The following UNC13C variants were observed in gnomAD, a reference collection of about 807,000 sequenced individuals.
The protein encoded by UNC13C is unc-13 homolog C, also known as protein unc-13 homolog C.
In UNC13C, 174 loss-of-function variants were observed where a neutral mutation model predicts 245.4. The observed-to-expected ratio is 0.71, with a 90% confidence interval of 0.63 to 0.80. The LOEUF (loss-of-function observed/expected upper bound fraction) is 0.80. Ranked by LOEUF, UNC13C falls within the 30% of genes least tolerant of loss-of-function variation. The probability of loss-of-function intolerance (pLI) is 0.00; values close to 1 mark genes in which losing one functional copy is unlikely to be tolerated. For missense variants in UNC13C, 2,829 were observed against 2,602.9 expected, an observed-to-expected ratio of 1.09 and a Z score of -1.89; for synonymous variants, 992 against 895.1, an observed-to-expected ratio of 1.11 and a Z score of -1.93.
At chr15:54,219,905 C>A (rs986041217) in intron 4 of UNC13C, among the ~76,000 whole-genome samples, 4 of 151,812 alleles carry the variant, frequency 2.6e-5, no homozygotes, top group Admixed American at 6.6e-5. Flanking sequence ...GATACCAACT[C>A]ACACCAGTTA....
At chr15:54,300,480 A>G (rs1410731795) in intron 13 of UNC13C, 107 bp downstream of exon 13, 5 of 1,138,520 alleles carry the variant, frequency 4.4e-6, no homozygotes, top group Non-Finnish European at 6.1e-6. Flanking sequence ...TAAAAAGAGG[A>G]TTATATTTCA....
chr15:54,322,707 C>A (rs530305958), intron 14 of UNC13C, among the ~76,000 whole-genome samples: 10 of 152,102 alleles, frequency 6.6e-5, no homozygotes, highest in African/African-American at 2.4e-4. Context: ...CAGTGTAACT[C>A]TTTCTCTGCA....
At chr15:54,301,212 G>A (rs553244320) in intron 13 of UNC13C, among the ~76,000 whole-genome samples, 2 of 151,542 alleles carry the variant, frequency 1.3e-5, no homozygotes, top group Admixed American at 1.3e-4. Context: ...AATAGATACT[G>A]GTCCAGATAA....
At chr15:54,113,148 A>T (rs1170524445) in intron 2 of UNC13C, among the ~76,000 whole-genome samples, 1 of 152,112 alleles carries the variant, frequency 6.6e-6, no homozygotes, top group South Asian at 2.1e-4. Flanking sequence ...TTAAATTGCA[A>T]ACTCGTTGGG....
chr15:54,236,840 G>C, intron 6 of UNC13C, among the ~76,000 whole-genome samples: 1 of 152,154 alleles, frequency 6.6e-6, no homozygotes, highest in Non-Finnish European at 1.5e-5. Flanking sequence ...ATGGGTCTCA[G>C]GTGATCAAGA....
chr15:54,550,813 G>A (rs1013330183), intron 28 of UNC13C, among the ~76,000 whole-genome samples: 4 of 152,090 alleles, frequency 2.6e-5, no homozygotes, highest in Non-Finnish European at 5.9e-5. Flanking sequence ...TTACCTCCCT[G>A]GGATTTCTGG....
chr15:54,078,685 T>G (rs11857113), intron 2 of UNC13C, among the ~76,000 whole-genome samples: 71,470 of 151,866 alleles, frequency 0.47, 18,705 homozygotes, highest in Non-Finnish European at 0.6. Context: ...GTTTTTTCTT[T>G]CTGATTTCCT....
At chr15:54,430,290 T>C (rs2040846037) in intron 19 of UNC13C, among the ~76,000 whole-genome samples, 1 of 151,714 alleles carries the variant, frequency 6.6e-6, no homozygotes, top group South Asian at 2.1e-4. Flanking sequence ...ATTATGAAAG[T>C]GTCTGGAGCA....
intron 24 of UNC13C, among the ~76,000 whole-genome samples, chr15:54,515,229 C>G (rs920589958): frequency 6.6e-6 from 1 of 152,002 alleles, no homozygotes; most frequent in Non-Finnish European, 1.5e-5. Flanking sequence ...AATAGCCAAC[C>G]CGTGTTATAG....
At chr15:54,226,264 A>AT in intron 4 of UNC13C, among the ~76,000 whole-genome samples, 1 of 152,198 alleles carries the variant, frequency 6.6e-6, no homozygotes, top group South Asian at 2.1e-4. Flanking sequence ...TGAAGTTTTC[A>AT]TTTTTTGTCA....
chr15:54,332,764 T>A (rs1174339646), intron 15 of UNC13C, among the ~76,000 whole-genome samples: 1 of 152,102 alleles, frequency 6.6e-6, no homozygotes, highest in Non-Finnish European at 1.5e-5. Context: ...AACTAATAGA[T>A]GCTCTCTTGT....
intron 5 of UNC13C, among the ~76,000 whole-genome samples, chr15:54,235,484 T>C (rs2035668849): frequency 6.8e-6 from 1 of 146,714 alleles, no homozygotes; most frequent in Non-Finnish European, 1.5e-5. Flanking sequence ...TTCACCTTAA[T>C]ACAGTGGACC....
chr15:54,502,889 T>C (rs1239938813), intron 22 of UNC13C, among the ~76,000 whole-genome samples: 1 of 152,086 alleles, frequency 6.6e-6, no homozygotes, highest in Non-Finnish European at 1.5e-5. Context: ...GAATTGAGAT[T>C]CCTAGACCCT....
intron 20 of UNC13C, among the ~76,000 whole-genome samples, chr15:54,497,441 G>T (rs369019829): frequency 3.4e-4 from 52 of 152,196 alleles, no homozygotes; most frequent in African/African-American, 1.1e-3. Flanking sequence ...AGGCTGCTTG[G>T]ATTTGTGAGA....
rs529545236 is a variant in UNC13C, at chr15:54,134,913, G to A, written c.2984-8105G>A. ...CTCCATACTGCTTTACTTAATGGCT[G>A]TACCAATTTATGTTTCTGTCATCAA... On this transcript the variant is annotated intron_variant, in intron 2 of 32. Transcript: ENST00000260323. Among the ~76,000 whole-genome samples, 98 of 152,190 alleles carry A rather than the reference G, an allele frequency of 6.4e-4. 1 individual carries two copies. Among genetic ancestry groups the A allele is most frequent in the African/African-American group, 2.2e-3 (92 of 41,526 alleles).
At chr15:53,878,021 C>CT in the UNC13C span, among the ~76,000 whole-genome samples, 1 of 152,066 alleles carries the variant, frequency 6.6e-6, no homozygotes, top group South Asian at 2.1e-4. Flanking sequence ...TACCATAATG[C>CT]TTTTTTGCTT....
intron 28 of UNC13C, among the ~76,000 whole-genome samples, chr15:54,554,424 T>A (rs1466653842): frequency 6.6e-6 from 1 of 152,214 alleles, no homozygotes; most frequent in South Asian, 2.1e-4. Flanking sequence ...ATGTGTTAAC[T>A]TGAAGCTGTC....
intron 4 of UNC13C, among the ~76,000 whole-genome samples, chr15:54,212,705 C>T (rs891747742): frequency 1.3e-5 from 2 of 152,030 alleles, no homozygotes; most frequent in Admixed American, 1.3e-4. Context: ...TTAAAAAGTG[C>T]TTCCAGAATA....
At chr15:53,847,952 A>G in the UNC13C span, among the ~76,000 whole-genome samples, 3 of 152,166 alleles carry the variant, frequency 2.0e-5, no homozygotes, top group African/African-American at 7.2e-5. Context: ...GACATAATTT[A>G]TTGAGGATGG....
Sources: allele counts gnomAD v4.1 joint callset (sites outside exome capture counted in the v4.1 genomes callset), GRCh38; gene constraint gnomAD v4.1.1; transcripts MANE v1.5; gene names NCBI Gene and HGNC (gene_info 2026-07-23, HGNC 2026-07-21).